Variants in OXCT1 observed in about 807,000 individuals in gnomAD.
OXCT1 encodes 3-oxoacid CoA-transferase 1.
Under a neutral mutation model 69.6 loss-of-function variants are expected in OXCT1, and 27 were observed. That is an observed-to-expected ratio of 0.39 (90% confidence interval 0.29 to 0.54). The LOEUF (loss-of-function observed/expected upper bound fraction) is 0.54, where lower values mean the gene tolerates loss of function less well. Ranked by LOEUF, OXCT1 falls within the 20% of genes least tolerant of loss-of-function variation. The pLI is 0.72. For synonymous variants in OXCT1, 202 were observed against 217.8 expected (o/e 0.93, Z 0.64); for missense variants, 437 against 650.2 (o/e 0.67, Z 3.57).
intron 14 of OXCT1, among the ~76,000 whole-genome samples, chr5:41,761,621 C>T (rs1744350069): frequency 6.6e-6 from 1 of 152,094 alleles, no homozygotes. Context: ...AGAGCTATCA[C>T]CTAGTCCATT....
At chr5:41,791,963 C>T (rs1159702534) in intron 13 of OXCT1, among the ~76,000 whole-genome samples, 1 of 152,074 alleles carries the variant, frequency 6.6e-6, no homozygotes, top group Non-Finnish European at 1.5e-5. Flanking sequence ...CCACCACGCC[C>T]GGCTAATTTT....
intron 7 of OXCT1, among the ~76,000 whole-genome samples, chr5:41,838,737 G>A (rs1023678675): frequency 9.2e-5 from 14 of 151,528 alleles, no homozygotes; most frequent in African/African-American, 3.4e-4. Flanking sequence ...GCGATCCTCA[G>A]ACCTCAGCTC....
chr5:41,747,887 C>G (rs979637682), intron 15 of OXCT1, among the ~76,000 whole-genome samples: 8 of 151,976 alleles, frequency 5.3e-5, no homozygotes, highest in Admixed American at 5.2e-4. Context: ...TCTCTATGTC[C>G]CTAGATTAGC....
chr5:41,768,446 T>A (rs1320135250), intron 13 of OXCT1, among the ~76,000 whole-genome samples: 2 of 152,206 alleles, frequency 1.3e-5, no homozygotes, highest in South Asian at 4.1e-4. Flanking sequence ...ACTTCTGTTA[T>A]ATTAATACAT....
intron 7 of OXCT1, among the ~76,000 whole-genome samples, chr5:41,835,848 C>T (rs1256145413): frequency 6.6e-6 from 1 of 152,086 alleles, no homozygotes; most frequent in African/African-American, 2.4e-5. Context: ...TCTGACAGCA[C>T]GTGCATGCCA....
chr5:41,866,006 T>C (rs915581650), intron 1 of OXCT1, among the ~76,000 whole-genome samples: 3 of 146,422 alleles, frequency 2.0e-5, no homozygotes, highest in Non-Finnish European at 4.4e-5. Flanking sequence ...ACATGGTGTT[T>C]TTATATGTAC....
intron 13 of OXCT1, among the ~76,000 whole-genome samples, chr5:41,767,046 AG>A (rs1267245895): frequency 1.3e-5 from 2 of 152,164 alleles, no homozygotes; most frequent in Non-Finnish European, 2.9e-5. Context: ...GCTCTAGAAA[AG>A]AAATAGTCCT....
At chr5:41,749,352 T>C (rs1008212674) in intron 15 of OXCT1, among the ~76,000 whole-genome samples, 175 bp downstream of exon 15, 1 of 151,990 alleles carries the variant, frequency 6.6e-6, no homozygotes, top group African/African-American at 2.4e-5. Flanking sequence ...TTCCAAAGAG[T>C]TGCACATAAA....
intron 13 of OXCT1, among the ~76,000 whole-genome samples, chr5:41,769,797 CAG>C (rs1744796073): frequency 2.0e-5 from 3 of 152,232 alleles, no homozygotes; most frequent in South Asian, 4.1e-4. Context: ...ATTTTTGAGA[CAG>C]AGTCTTGCTG....
rs1158437338 is a variant in OXCT1 at position 41,745,571 on chromosome 5, T to C, written c.1419+3956A>G. On this transcript the variant is annotated intron_variant, in intron 15 of 16. Coordinates refer to ENST00000196371, the MANE Select transcript of OXCT1 (RefSeq NM_000436.4). ...AAGATCAGAGCAGAACTGAAGGAAA[T>C]AGACACAAAAAACCCTTCAAAAAAT... Among the ~76,000 whole-genome samples, 11 of 150,962 alleles carry C rather than the reference T, an allele frequency of 7.3e-5. 2 individuals carry two copies. The highest frequency in any genetic ancestry group is 5.9e-4 in the Admixed American group (9 of 15,152).
intron 1 of OXCT1, chr5:41,869,991 C>T: frequency 2.2e-6 from 1 of 451,482 alleles, no homozygotes; most frequent in East Asian, 4.4e-5. Flanking sequence ...CCAAAGGGCT[C>T]GGGAGCGCTG....
At chr5:41,789,735 C>CAAT (rs1745823896) in intron 13 of OXCT1, among the ~76,000 whole-genome samples, 2 of 152,164 alleles carry the variant, frequency 1.3e-5, no homozygotes, top group African/African-American at 4.8e-5. Flanking sequence ...ACCAAATGGA[C>CAAT]AATACACTAA....
chr5:41,755,449 A>G (rs1253613944), intron 14 of OXCT1, among the ~76,000 whole-genome samples: 4 of 152,112 alleles, frequency 2.6e-5, no homozygotes, highest in African/African-American at 9.7e-5. Flanking sequence ...ATAAATGAGA[A>G]AAAAATTAAG....
chr5:41,764,759 A>G (rs1262572791), intron 13 of OXCT1, among the ~76,000 whole-genome samples: 1 of 152,168 alleles, frequency 6.6e-6, no homozygotes. Flanking sequence ...AAGGTATAAC[A>G]CTGAGGATGC....
Position 41,801,081 on chromosome 5 carries a change from C to T in OXCT1, c.1051-11G>A. The T allele has an allele frequency of 6.3e-7, 1 of 1,594,456 alleles. No homozygotes were observed. The highest frequency in any genetic ancestry group is 1.7e-5 in the Admixed American group (1 of 59,922). The stretch of plus-strand genomic sequence containing the variant: ...TCGTGGATATGGACCCTGTCAAATA[C>T]AACATACATTCAATTAGTAAATGAA... On this transcript the variant is annotated splice_polypyrimidine_tract_variant and intron_variant, in intron 10 of 16. Coordinates refer to ENST00000196371, the MANE Select transcript of OXCT1 (RefSeq NM_000436.4).
At chr5:41,818,200 G>C (rs1747343867) in intron 7 of OXCT1, among the ~76,000 whole-genome samples, 1 of 152,122 alleles carries the variant, frequency 6.6e-6, no homozygotes, top group Admixed American at 6.6e-5. Flanking sequence ...CAGGTAACCA[G>C]AGTATCACAA....
intron 13 of OXCT1, among the ~76,000 whole-genome samples, chr5:41,764,525 C>G (rs1250172402): frequency 6.6e-6 from 1 of 152,098 alleles, no homozygotes; most frequent in African/African-American, 2.4e-5. Flanking sequence ...TCCATGAATA[C>G]TAAAAGACTC....
intron 13 of OXCT1, among the ~76,000 whole-genome samples, chr5:41,787,245 C>G (rs866746782): frequency 1.3e-5 from 2 of 152,206 alleles, no homozygotes; most frequent in Non-Finnish European, 2.9e-5. Flanking sequence ...TAAATTCAAA[C>G]ATGTTATTAA....
chr5:41,782,803 C>T (rs931505029), intron 13 of OXCT1, among the ~76,000 whole-genome samples: 1 of 152,038 alleles, frequency 6.6e-6, no homozygotes, highest in Non-Finnish European at 1.5e-5. Context: ...GTAAACTTTC[C>T]CCTGTGTAGT....
Sources: allele counts gnomAD v4.1 joint callset (sites outside exome capture counted in the v4.1 genomes callset), GRCh38; gene constraint gnomAD v4.1.1; transcripts MANE v1.5; gene names NCBI Gene and HGNC (gene_info 2026-07-23, HGNC 2026-07-21).